Variants in SGCD observed in about 807,000 individuals in gnomAD.
SGCD encodes the protein delta-sarcoglycan.
SGCD carries 18 observed loss-of-function variants against 36.6 expected under a neutral mutation model. The observed-to-expected ratio is 0.49, with a 90% CI of 0.34 to 0.73. The LOEUF (loss-of-function observed/expected upper bound fraction) is 0.73, where lower values mean the gene tolerates loss of function less well. Ranked by LOEUF, SGCD falls within the 30% of genes least tolerant of loss-of-function variation. SGCD has a pLI of 0.01. For synonymous variants in SGCD, 133 were observed against 130.6 expected (o/e 1.02, Z -0.12); for missense variants, 387 against 346.7 (o/e 1.12, Z -0.92).
intron 1 of SGCD, among the ~76,000 whole-genome samples, chr5:155,997,966 C>A (rs550404963): frequency 1.3e-5 from 2 of 152,086 alleles, no homozygotes; most frequent in Non-Finnish European, 1.5e-5. Flanking sequence ...TTATTCATAG[C>A]GTAGATTATT....
At chr5:156,295,681 T>A (rs1766874457) in intron 3 of SGCD, among the ~76,000 whole-genome samples, 2 of 152,210 alleles carry the variant, frequency 1.3e-5, no homozygotes, top group South Asian at 4.1e-4. Flanking sequence ...TTCTTTATCC[T>A]AGCAGATGGC....
intron 1 of SGCD, among the ~76,000 whole-genome samples, chr5:155,882,968 A>T (rs1755921896): frequency 6.6e-6 from 1 of 152,308 alleles, no homozygotes. Context: ...CTGTTTAGTG[A>T]CTTCCTTAAT....
At chr5:156,733,422 TG>T (rs1756182751) in intron 7 of SGCD, among the ~76,000 whole-genome samples, 1 of 151,990 alleles carries the variant, frequency 6.6e-6, no homozygotes, top group Admixed American at 6.6e-5. Context: ...TGCTGAGGAG[TG>T]TTTTACTTCT....
At chr5:156,348,748 A>G (rs957076835) in intron 3 of SGCD, among the ~76,000 whole-genome samples, 9 of 152,306 alleles carry the variant, frequency 5.9e-5, no homozygotes, top group Middle Eastern at 6.8e-3. Flanking sequence ...ATTAGAAAAA[A>G]CATTTCTAAA....
At chr5:156,322,395 G>A (rs575199262), upstream of SGCD, among the ~76,000 whole-genome samples, 1 of 152,180 alleles carries the variant, frequency 6.6e-6, no homozygotes, top group African/African-American at 2.4e-5. Flanking sequence ...CTTCCTACAA[G>A]CTAGGCATGG....
intron 1 of SGCD, among the ~76,000 whole-genome samples, chr5:155,917,490 G>T (rs1008936022): frequency 6.6e-6 from 1 of 152,170 alleles, no homozygotes; most frequent in African/African-American, 2.4e-5. Flanking sequence ...AGTGAGTAAA[G>T]TTGAGAATTG....
At chr5:155,840,243 CT>C in the SGCD span, among the ~76,000 whole-genome samples, 4,348 of 142,016 alleles carry the variant, frequency 0.031, 78 homozygotes, top group East Asian at 0.13. Flanking sequence ...TTTGTTTTGC[CT>C]TTTTTTTTTT....
In SGCD at chr5:156,449,541, A is replaced by G. The variant is rs181218617; in HGVS notation, c.193-59060A>G. Among the ~76,000 whole-genome samples the G allele has an allele frequency of 2.8e-4, 42 of 151,820 alleles. No homozygotes were observed. In the East Asian group the frequency reaches 7.8e-3, roughly 28 times the overall value. On this transcript the variant is annotated intron_variant, in intron 3 of 8. Transcript: ENST00000337851. ...AGGAAAAGAACAAGATTAAGAGAAT[A>G]AAAAAGAAGGCCAGGCTTGGTAGCT...
chr5:156,719,338 C>T (rs1173736328), intron 7 of SGCD, among the ~76,000 whole-genome samples: 2 of 151,790 alleles, frequency 1.3e-5, no homozygotes, highest in East Asian at 3.9e-4. Context: ...CTGCTTTACT[C>T]GAAGTCCACT....
At chr5:156,607,886 G>A (rs183170452) in intron 6 of SGCD, among the ~76,000 whole-genome samples, 1 of 152,112 alleles carries the variant, frequency 6.6e-6, no homozygotes, top group African/African-American at 2.4e-5. Flanking sequence ...TGGATCGGTG[G>A]TGATATCCCC....
chr5:155,981,470 A>G (rs1351316676), intron 1 of SGCD, among the ~76,000 whole-genome samples: 1 of 152,108 alleles, frequency 6.6e-6, no homozygotes, highest in African/African-American at 2.4e-5. Flanking sequence ...TCTGGAATTT[A>G]CTTGTATTTA....
At chr5:156,244,340 C>T (rs1250723531) in intron 3 of SGCD, among the ~76,000 whole-genome samples, 3 of 152,160 alleles carry the variant, frequency 2.0e-5, no homozygotes, top group East Asian at 1.9e-4. Flanking sequence ...CTGTAAAAAA[C>T]ATTTTGGGAC....
the SGCD span, among the ~76,000 whole-genome samples, chr5:155,735,525 G>T: frequency 6.6e-6 from 1 of 152,222 alleles, no homozygotes; most frequent in Non-Finnish European, 1.5e-5. Context: ...AGGTCATCCA[G>T]CAAGTTAGTG....
At chr5:156,698,867 A>ACG (rs1754422127) in intron 7 of SGCD, among the ~76,000 whole-genome samples, 1 of 151,104 alleles carries the variant, frequency 6.6e-6, no homozygotes, top group Non-Finnish European at 1.5e-5. Flanking sequence ...ACACACACAC[A>ACG]CACACACACA....
chr5:156,539,901 A>T (rs546534097), intron 4 of SGCD, among the ~76,000 whole-genome samples: 1 of 152,154 alleles, frequency 6.6e-6, no homozygotes, highest in Admixed American at 6.6e-5. Flanking sequence ...CATGGAACAA[A>T]TTGTTGAACC....
chr5:156,527,750 C>T (rs1757703930), intron 4 of SGCD, among the ~76,000 whole-genome samples: 1 of 152,184 alleles, frequency 6.6e-6, no homozygotes, highest in African/African-American at 2.4e-5. Context: ...GGAAGCTGAG[C>T]TGCTGTGGTT....
intron 3 of SGCD, among the ~76,000 whole-genome samples, chr5:156,143,748 A>T (rs73300633): frequency 0.013 from 1,966 of 151,088 alleles, 40 homozygotes; most frequent in African/African-American, 0.045. Context: ...TTTTTTTTTT[A>T]AATTATACTC....
the SGCD span, among the ~76,000 whole-genome samples, chr5:155,779,061 A>G: frequency 6.6e-6 from 1 of 152,180 alleles, no homozygotes; most frequent in South Asian, 2.1e-4. Context: ...CTCTACTGGA[A>G]TGTATGTTTA....
the SGCD span, among the ~76,000 whole-genome samples, chr5:155,767,051 G>T: frequency 2.0e-5 from 3 of 152,120 alleles, no homozygotes; most frequent in Non-Finnish European, 4.4e-5. Context: ...CCCTATCCAG[G>T]TTACTCTCCT....
Sources: gnomAD v4.1 joint callset for allele counts (sites outside exome capture counted in the v4.1 genomes callset) on GRCh38, gnomAD v4.1.1 for gene constraint, MANE v1.5 for transcripts, NCBI Gene and HGNC (gene_info 2026-07-23, HGNC 2026-07-21) for gene names.